The following P3H2 variants were observed in gnomAD, a reference collection of about 807,000 sequenced individuals.
The protein encoded by P3H2 is prolyl 3-hydroxylase 2, also known as leprecan-like 1.
P3H2 carries 80 observed loss-of-function variants against 87.0 expected under a neutral mutation model. That is an observed-to-expected ratio of 0.92 (90% confidence interval 0.77 to 1.11). The LOEUF (loss-of-function observed/expected upper bound fraction) is 1.11. P3H2 is among the 50% of genes least tolerant of loss of function. P3H2 has a pLI of 0.00. For missense variants in P3H2, 1,001 were observed against 923.9 expected (o/e 1.08, Z -1.08); for synonymous variants, 367 against 359.3 (o/e 1.02, Z -0.24).
chr3:190,040,928 A>G (rs1725586533), intron 1 of P3H2, among the ~76,000 whole-genome samples: 1 of 149,836 alleles, frequency 6.7e-6, no homozygotes, highest in Non-Finnish European at 1.5e-5. Flanking sequence ...GCACACCTGT[A>G]AACACAGCAC....
intron 5 of P3H2, among the ~76,000 whole-genome samples, chr3:189,987,286 C>T (rs1008545636): frequency 6.6e-6 from 1 of 151,862 alleles, no homozygotes; most frequent in Non-Finnish European, 1.5e-5. Context: ...ACCAGCCTGA[C>T]CAACATGGAG....
intron 1 of P3H2, among the ~76,000 whole-genome samples, chr3:190,010,919 A>G (rs1286721046): frequency 1.3e-5 from 2 of 152,244 alleles, no homozygotes; most frequent in Non-Finnish European, 2.9e-5. Flanking sequence ...AAAGTATTCT[A>G]ACTTTTAATC....
chr3:189,961,046 T>G lies in P3H2; in HGVS notation c.2034+2912A>C, dbSNP rs376272412. Among the ~76,000 whole-genome samples the G allele has an allele frequency of 3.0e-3, 461 of 152,236 alleles. 1 individual carries two copies. The highest frequency in any genetic ancestry group is 0.018 in the South Asian group (86 of 4,824). On this transcript the variant is annotated intron_variant, in intron 14 of 14. Transcript: ENST00000319332. ...ACCTCCACCTCCTGGATTCAAGTGATTCTCCTGCCTCAGCCTCCCCAGTAG... is the reference window on the plus strand; with the variant it reads ...ACCTCCACCTCCTGGATTCAAGTGAGTCTCCTGCCTCAGCCTCCCCAGTAG...
At chr3:189,977,969 C>T (rs1302834330) in intron 8 of P3H2, among the ~76,000 whole-genome samples, 1 of 152,132 alleles carries the variant, frequency 6.6e-6, no homozygotes, top group Non-Finnish European at 1.5e-5. Flanking sequence ...TTGGAAAAGG[C>T]TGTTCTAATC....
At chr3:190,030,404 T>C (rs537253670) in intron 1 of P3H2, among the ~76,000 whole-genome samples, 1 of 152,132 alleles carries the variant, frequency 6.6e-6, no homozygotes, top group Admixed American at 6.6e-5. Context: ...AAACCTCTTG[T>C]CTAAAAAATG....
intron 1 of P3H2, among the ~76,000 whole-genome samples, chr3:190,098,294 G>A (rs187898511): frequency 6.6e-6 from 1 of 152,212 alleles, no homozygotes; most frequent in African/African-American, 2.4e-5. Flanking sequence ...ACTTTTGCAG[G>A]GATCTGTGGA....
intron 1 of P3H2, among the ~76,000 whole-genome samples, chr3:189,997,175 C>T (rs933876832): frequency 6.6e-6 from 1 of 152,182 alleles, no homozygotes; most frequent in Non-Finnish European, 1.5e-5. Flanking sequence ...GCACACACCA[C>T]CATGCCCGGC....
intron 3 of P3H2, among the ~76,000 whole-genome samples, chr3:189,990,592 G>A (rs1481882949): frequency 6.6e-6 from 1 of 152,078 alleles, no homozygotes; most frequent in Admixed American, 6.6e-5. Context: ...ATAAATAACT[G>A]CATTCAGCAG....
intron 1 of P3H2, among the ~76,000 whole-genome samples, chr3:190,056,785 C>A (rs1394961326): frequency 1.3e-5 from 2 of 152,174 alleles, no homozygotes; most frequent in African/African-American, 2.4e-5. Context: ...ATCCAAGGAG[C>A]TGGATTAGAA....
intron 1 of P3H2, among the ~76,000 whole-genome samples, chr3:190,066,158 T>TATATACACACACACACACACAC (rs1256956930): frequency 3.3e-4 from 45 of 134,616 alleles, no homozygotes; most frequent in African/African-American, 1.3e-3. Flanking sequence ...TATATATATA[T>TATATACACACACACACACACAC]ACACACACAC....
chr3:190,062,845 A>T (rs1005281192), intron 1 of P3H2, among the ~76,000 whole-genome samples: 3 of 152,118 alleles, frequency 2.0e-5, no homozygotes, highest in African/African-American at 7.2e-5. Context: ...CAAGGACTTG[A>T]ACAGGAAGCA....
chr3:190,098,474 C>T (rs374535398), intron 1 of P3H2, among the ~76,000 whole-genome samples: 1 of 152,012 alleles, frequency 6.6e-6, no homozygotes, highest in African/African-American at 2.4e-5. Flanking sequence ...GATAGATAGC[C>T]CATTAGAAAA....
chr3:189,967,487 A>G (rs1316359244), intron 13 of P3H2, among the ~76,000 whole-genome samples: 1 of 148,552 alleles, frequency 6.7e-6, no homozygotes, highest in African/African-American at 2.5e-5. Flanking sequence ...AAATCTTTTC[A>G]ACCACCTGTC....
intron 1 of P3H2, among the ~76,000 whole-genome samples, chr3:190,042,925 G>C (rs1356363941): frequency 6.6e-6 from 1 of 152,074 alleles, no homozygotes; most frequent in Non-Finnish European, 1.5e-5. Context: ...CAATTTTAAC[G>C]CTGAAAATGA....
rs564918662 is a variant in P3H2, at chr3:190,022,402, T to A, written c.481-26960A>T. Among the ~76,000 whole-genome samples the A allele has an allele frequency of 3.0e-5, 4 of 135,458 alleles. 1 individual carries two copies. The South Asian group carries it at 1.1e-3, about 36-fold the overall frequency. The allele number at this position is 135,458 out of a possible 152,430, so 88.9% of individuals were successfully genotyped here. ...GTTCAGCCCAAAGTGGCTTTGCTTT[T>A]CTAAACCCATGGTAACTAATGCAGT... On this transcript the variant is annotated intron_variant, in intron 1 of 14. Transcript: ENST00000319332.
chr3:190,042,428 TTGTGTGTG>T (rs58506083), intron 1 of P3H2, among the ~76,000 whole-genome samples: 1 of 150,702 alleles, frequency 6.6e-6, no homozygotes, highest in Non-Finnish European at 1.5e-5. Context: ...TTGTAAGATT[TTGTGTGTG>T]TGTGTGTGTG....
rs545835777 is a variant in P3H2, at chr3:190,029,970, C to G, written c.481-34528G>C. Among the ~76,000 whole-genome samples the G allele has an allele frequency of 1.4e-3, 215 of 149,486 alleles. 1 individual carries two copies. The highest frequency in any genetic ancestry group is 5.1e-3 in the African/African-American group (209 of 40,710). On this transcript the variant is annotated intron_variant, in intron 1 of 14. Coordinates refer to ENST00000319332, the MANE Select transcript of P3H2 (RefSeq NM_018192.4). The stretch of plus-strand genomic sequence containing the variant: ...TGAGCCAAGGTCGTGCCACTGCACT[C>G]CAGCCTGAGCAACAAGAGTTAAACT...
In P3H2 at chr3:190,120,855, C is replaced by G; in HGVS notation, c.-124G>C. The G allele has an allele frequency of 7.1e-7, 1 of 1,410,934 alleles. No individual in the cohort carries two copies. The highest frequency in any genetic ancestry group is 9.3e-7 in the Non-Finnish European group (1 of 1,079,112). 87.4% of individuals were successfully genotyped at this position (1,410,934 alleles called of 1,614,324 possible). On this transcript the variant is annotated 5_prime_UTR_variant, in exon 1 of 15. Coordinates refer to ENST00000319332, the MANE Select transcript of P3H2 (RefSeq NM_018192.4). ...CGACTCCGCCGCGATCTGGCCGCTC[C>G]GCGAGCCCCAGGTGACCGCCGGCGC...
At chr3:190,012,099 G>T (rs573026114) in intron 1 of P3H2, among the ~76,000 whole-genome samples, 1 of 151,988 alleles carries the variant, frequency 6.6e-6, no homozygotes, top group African/African-American at 2.4e-5. Flanking sequence ...AGCATGAAAG[G>T]GCTTCATCTT....
Sources: gnomAD v4.1 joint callset for allele counts (sites outside exome capture counted in the v4.1 genomes callset) on GRCh38, gnomAD v4.1.1 for gene constraint, MANE v1.5 for transcripts, NCBI Gene and HGNC (gene_info 2026-07-23, HGNC 2026-07-21) for gene names.